The following THSD7A variants were observed in gnomAD, a reference collection of about 807,000 sequenced individuals.
THSD7A encodes the protein thrombospondin type 1 domain containing 7A.
THSD7A carries 96 observed loss-of-function variants against 231.3 expected under a neutral mutation model. That is an observed-to-expected ratio of 0.41 (90% CI 0.35 to 0.49). The LOEUF is 0.49. Ranked by LOEUF, THSD7A falls within the 20% of genes least tolerant of loss-of-function variation. The pLI, the probability that THSD7A is intolerant of heterozygous loss-of-function variation, is 0.05. For missense variants in THSD7A, 2,290 were observed against 2,070.2 expected (o/e 1.11, Z -2.06); for synonymous variants, 940 against 743.3 (o/e 1.26, Z -4.30).
At chr7:11,417,724 G>T in intron 16 of THSD7A, 121 bp from the exon 17 acceptor site, 1 of 980,564 alleles carries the variant, frequency 1.0e-6, no homozygotes. Context: ...TCGTTATGGG[G>T]GTGGGGAGTA....
chr7:11,610,296 T>G (rs529023166), intron 2 of THSD7A, among the ~76,000 whole-genome samples: 1 of 152,092 alleles, frequency 6.6e-6, no homozygotes, highest in South Asian at 2.1e-4. Flanking sequence ...CTCCCCCAAA[T>G]TGGAGCTTTG....
At chr7:11,472,672 G>A (rs1029466) in intron 8 of THSD7A, among the ~76,000 whole-genome samples, 114,129 of 152,100 alleles carry the variant, frequency 0.75, 43,040 homozygotes, top group East Asian at 0.9. Context: ...ATTTAATGCT[G>A]TTAATCCAGC....
chr7:11,543,036 T>A lies in THSD7A; in HGVS notation c.1535A>T (p.Glu512Val), dbSNP rs1326337650. The A allele has an allele frequency of 1.2e-6, 2 of 1,613,814 alleles. No individual in the cohort carries two copies. The highest frequency in any genetic ancestry group is 1.7e-6 in the Non-Finnish European group (2 of 1,179,840). ...AGCTGACCAAGGTGAAACTTCACAT[T>A]CAGTTGGACAAGGAATGTGGCACAG... ...TQLCHIPCPT[E>V]CEVSPWSAWG... Residue 512 changes from glutamate (E) to valine (V), a missense_variant, in exon 5 of 28, where the codon GAA becomes GTA. Coordinates refer to ENST00000423059, the MANE Select transcript of THSD7A (RefSeq NM_015204.3).
At chr7:11,476,736 G>A (rs575534333) in intron 7 of THSD7A, among the ~76,000 whole-genome samples, 43 of 151,128 alleles carry the variant, frequency 2.8e-4, no homozygotes, top group South Asian at 2.1e-3. Context: ...AATCGCTTGA[G>A]CCTGGGAGGT....
chr7:11,722,737 C>T (rs1182345009), intron 1 of THSD7A, among the ~76,000 whole-genome samples: 1 of 152,012 alleles, frequency 6.6e-6, no homozygotes, highest in Non-Finnish European at 1.5e-5. Flanking sequence ...TGCTCATCAT[C>T]ACTGGCCATC....
intron 4 of THSD7A, among the ~76,000 whole-genome samples, chr7:11,580,628 A>G (rs1430278807): frequency 6.6e-6 from 1 of 152,212 alleles, no homozygotes; most frequent in African/African-American, 2.4e-5. Context: ...AAACTAAGAC[A>G]GGAACAGAAA....
In THSD7A at chr7:11,585,765, T is replaced by TCA. The variant is rs548596108; in HGVS notation, c.1453+4693_1453+4694dup. 4.9e-4 allele frequency among the ~76,000 whole-genome samples: 75 copies of TCA among 151,942 alleles called. 1 individual carries two copies. The South Asian group carries it at 0.011, about 22-fold the overall frequency. ...CACACCATCCCATCTCAGGGTGCAC[T>TCA]CACACACACACCCACACTCACTCAG... On this transcript the variant is annotated intron_variant, in intron 4 of 27. Transcript: ENST00000423059.
chr7:11,625,624 A>G (rs59757579), intron 2 of THSD7A, among the ~76,000 whole-genome samples: 30,490 of 152,044 alleles, frequency 0.2, 5,597 homozygotes, highest in African/African-American at 0.49. Context: ...TAAAAAGAAG[A>G]AAATAAGATA....
At chr7:11,650,524 C>T (rs534209232) in intron 1 of THSD7A, among the ~76,000 whole-genome samples, 3 of 152,158 alleles carry the variant, frequency 2.0e-5, no homozygotes, top group South Asian at 4.1e-4. Context: ...TGATCCATAA[C>T]GAGCACAGGA....
chr7:11,740,986 A>G (rs963568066), intron 1 of THSD7A, among the ~76,000 whole-genome samples: 5 of 151,964 alleles, frequency 3.3e-5, no homozygotes, highest in African/African-American at 1.2e-4. Flanking sequence ...AAGGTCTTTT[A>G]TGTATTAAAT....
intron 1 of THSD7A, among the ~76,000 whole-genome samples, chr7:11,826,647 G>A (rs4391318): frequency 0.61 from 92,097 of 151,710 alleles, 28,389 homozygotes; most frequent in Admixed American, 0.73. Flanking sequence ...CCCAGTCTGT[G>A]CTTAAAATAC....
chr7:11,577,636 T>C (rs1261414671), intron 4 of THSD7A, among the ~76,000 whole-genome samples: 1 of 151,030 alleles, frequency 6.6e-6, no homozygotes, highest in Non-Finnish European at 1.5e-5. Flanking sequence ...TATGTTTTTA[T>C]GTATCTAGTT....
At chr7:11,483,670 G>T (rs777548017) in intron 6 of THSD7A, among the ~76,000 whole-genome samples, 1 of 152,004 alleles carries the variant, frequency 6.6e-6, no homozygotes, top group Non-Finnish European at 1.5e-5. Flanking sequence ...CTTTTTCTTA[G>T]TGCAAGGGGT....
chr7:11,706,914 A>T (rs1210854130), intron 1 of THSD7A, among the ~76,000 whole-genome samples: 1 of 150,630 alleles, frequency 6.6e-6, no homozygotes, highest in Non-Finnish European at 1.5e-5. Context: ...GCTCTGATTC[A>T]GGGTTTTTCA....
chr7:11,465,936 C>T (rs545407082), intron 9 of THSD7A, among the ~76,000 whole-genome samples: 23 of 152,134 alleles, frequency 1.5e-4, no homozygotes, highest in African/African-American at 3.1e-4. Context: ...TTGAAAAACA[C>T]GTTAGCAAGT....
At chr7:11,816,296 G>A (rs780330611) in intron 1 of THSD7A, among the ~76,000 whole-genome samples, 3 of 152,164 alleles carry the variant, frequency 2.0e-5, no homozygotes, top group Non-Finnish European at 4.4e-5. Flanking sequence ...ACTTAATTCA[G>A]ACTGTGAATG....
intron 2 of THSD7A, among the ~76,000 whole-genome samples, chr7:11,614,451 T>C (rs992506856): frequency 6.6e-6 from 1 of 152,156 alleles, no homozygotes; most frequent in Non-Finnish European, 1.5e-5. Flanking sequence ...CACAGGCAAA[T>C]TGAGTGGCTG....
chr7:11,645,300 C>T (rs1782237279), intron 1 of THSD7A, among the ~76,000 whole-genome samples: 1 of 151,726 alleles, frequency 6.6e-6, no homozygotes, highest in Admixed American at 6.6e-5. Context: ...GAGATACTAA[C>T]ATTTTCTCTG....
intron 1 of THSD7A, among the ~76,000 whole-genome samples, chr7:11,717,320 G>A (rs914007429): frequency 6.6e-6 from 1 of 151,634 alleles, no homozygotes; most frequent in African/African-American, 2.4e-5. Flanking sequence ...AGTGATCTGT[G>A]CTTTTCCTTT....
Sources: allele counts gnomAD v4.1 joint callset (sites outside exome capture counted in the v4.1 genomes callset), GRCh38; gene constraint gnomAD v4.1.1; transcripts MANE v1.5; gene names NCBI Gene and HGNC (gene_info 2026-07-23, HGNC 2026-07-21).